Variants in COLEC12 observed in about 807,000 individuals in gnomAD.
COLEC12 encodes collectin subfamily member 12, also known as collectin-12.
A neutral mutation model predicts 71.1 loss-of-function variants in COLEC12; 33 were observed. The observed-to-expected ratio is 0.46, with a 90% CI of 0.35 to 0.62. The LOEUF (loss-of-function observed/expected upper bound fraction) is 0.62. Among genes scored for constraint, COLEC12 ranks in the 20% least tolerant of loss-of-function variants. COLEC12 has a pLI of 0.00. For missense variants in COLEC12, 765 were observed against 916.1 expected, an observed-to-expected ratio of 0.84 and a Z score of 2.13; for synonymous variants, 350 against 353.0, an observed-to-expected ratio of 0.99 and a Z score of 0.10.
At chr18:336,770 A>G (rs770893148) in intron 5 of COLEC12, among the ~76,000 whole-genome samples, 2 of 152,142 alleles carry the variant, frequency 1.3e-5, no homozygotes, top group Non-Finnish European at 2.9e-5. Flanking sequence ...GAAATGAATG[A>G]ATCTTAGAGT....
At chr18:377,746 T>G (rs4798111) in intron 2 of COLEC12, among the ~76,000 whole-genome samples, 29,709 of 152,092 alleles carry the variant, frequency 0.2, 3,182 homozygotes, top group East Asian at 0.29. Flanking sequence ...AGCCTGAGCT[T>G]GGAGCACTTG....
chr18:374,487 A>T (rs1332727955), intron 2 of COLEC12, among the ~76,000 whole-genome samples: 1 of 152,162 alleles, frequency 6.6e-6, no homozygotes, highest in Non-Finnish European at 1.5e-5. Context: ...AATCACCCAC[A>T]GGCATATGTT....
chr18:497,315 T>C (rs567808936), intron 1 of COLEC12, among the ~76,000 whole-genome samples: 1 of 152,240 alleles, frequency 6.6e-6, no homozygotes, highest in South Asian at 2.1e-4. Context: ...ACAGGAATAT[T>C]TGCTTTTGCA....
chr18:451,928 T>C (rs1007994958), intron 2 of COLEC12, among the ~76,000 whole-genome samples: 58 of 152,190 alleles, frequency 3.8e-4, no homozygotes, highest in Admixed American at 3.7e-3. Flanking sequence ...TTATTAATAA[T>C]ATCCAAAATA....
chr18:342,699 T>A (rs1914283011), intron 5 of COLEC12, among the ~76,000 whole-genome samples: 1 of 152,184 alleles, frequency 6.6e-6, no homozygotes, highest in South Asian at 2.1e-4. Context: ...TTAGAATACC[T>A]GCTGGGCATT....
chr18:318,052 C>T lies in COLEC12; in HGVS notation c.*1993G>A, dbSNP rs1419705698. On this transcript the variant is annotated 3_prime_UTR_variant, in exon 10 of 10. Transcript: ENST00000400256. ...AGTGCAGTGGCGCGATCTCGGCTCACTGCAAGCTCCGCTTCCTGGGTTCAC... is the reference window on the plus strand; with the variant it reads ...AGTGCAGTGGCGCGATCTCGGCTCATTGCAAGCTCCGCTTCCTGGGTTCAC... The T allele has an allele frequency of 6.7e-6, 1 of 149,340 alleles. No individual in the cohort carries two copies. Among genetic ancestry groups the T allele is most frequent in the African/African-American group, 2.4e-5 (1 of 40,994 alleles). 9.3% of individuals were successfully genotyped at this position (149,340 alleles called of 1,614,324 possible). A position where few individuals can be genotyped will look rare whatever the true frequency, so the allele number is the denominator to read the frequency against.
chr18:378,963 G>C (rs1179628759), intron 2 of COLEC12, among the ~76,000 whole-genome samples: 1 of 152,080 alleles, frequency 6.6e-6, no homozygotes, highest in East Asian at 1.9e-4. Flanking sequence ...CCATAATCCT[G>C]AATGGCCTTG....
At chr18:457,309 C>G (rs972059395) in intron 2 of COLEC12, among the ~76,000 whole-genome samples, 1 of 152,074 alleles carries the variant, frequency 6.6e-6, no homozygotes, top group East Asian at 1.9e-4. Context: ...ACTGCAGCGC[C>G]GAAGGAGATT....
At chr18:414,044 C>T (rs1178446004) in intron 2 of COLEC12, among the ~76,000 whole-genome samples, 2 of 152,128 alleles carry the variant, frequency 1.3e-5, no homozygotes, top group Non-Finnish European at 2.9e-5. Context: ...TTTGTGATAA[C>T]AGGCATTTTT....
chr18:373,879 T>C (rs1053563804), intron 2 of COLEC12, among the ~76,000 whole-genome samples: 1 of 152,206 alleles, frequency 6.6e-6, no homozygotes, highest in African/African-American at 2.4e-5. Context: ...TTCTATTCAC[T>C]GTACTCTGCT....
chr18:358,759 AT>A (rs1305066908), intron 2 of COLEC12, among the ~76,000 whole-genome samples: 5 of 152,168 alleles, frequency 3.3e-5, no homozygotes, highest in African/African-American at 1.2e-4. Flanking sequence ...GCTACATGGT[AT>A]GGCCTGTTGC....
At chr18:412,045 T>C (rs1915902378) in intron 2 of COLEC12, among the ~76,000 whole-genome samples, 1 of 151,992 alleles carries the variant, frequency 6.6e-6, no homozygotes, top group South Asian at 2.1e-4. Context: ...GATAGAAAAG[T>C]AATAGAAGAA....
intron 2 of COLEC12, among the ~76,000 whole-genome samples, chr18:433,387 C>G (rs566531869): frequency 3.9e-5 from 6 of 152,136 alleles, no homozygotes; most frequent in Non-Finnish European, 7.4e-5. Context: ...ACCCCCAAAC[C>G]AAGGATGCCT....
In COLEC12 at chr18:346,855, T is replaced by A. The variant is rs781505370; in HGVS notation, c.767A>T (p.Asp256Val). The change falls in exon 5 of 10, where the codon GAT becomes GTT. Residue 256 changes from aspartate (D) to valine (V), a missense_variant. Asp to Val is a radical substitution (Grantham distance 152, BLOSUM62 -3). Coordinates refer to ENST00000400256, the MANE Select transcript of COLEC12 (RefSeq NM_130386.3). The surrounding 1 kb of genome is among the most constrained non-coding windows in gnomAD (Gnocchi z 4.0). Reference protein sequence around the residue: ...QVFLQAKKDTDWLKEKVQSLQ... With the variant: ...QVFLQAKKDTVWLKEKVQSLQ... The stretch of plus-strand genomic sequence containing the variant: ...GCTCTGCACTTTCTCCTTCAGCCAA[T>A]CCGTGTCCTTCTTGGCTTGAAGAAA... The A allele has an allele frequency of 6.8e-6, 11 of 1,613,892 alleles. No homozygotes were observed. In the Admixed American group the frequency reaches 8.3e-5, roughly 12 times the overall value.
intron 2 of COLEC12, among the ~76,000 whole-genome samples, chr18:428,749 C>G (rs1017182364): frequency 6.6e-6 from 1 of 151,824 alleles, no homozygotes. Flanking sequence ...ATTAAGACAC[C>G]AAACTATTAC....
intron 2 of COLEC12, among the ~76,000 whole-genome samples, chr18:401,457 A>G (rs1048669817): frequency 1.3e-5 from 2 of 152,228 alleles, no homozygotes; most frequent in African/African-American, 4.8e-5. Flanking sequence ...GGATTTCAAA[A>G]GGCCAATTGC....
chr18:443,865 G>A (rs141304542), intron 2 of COLEC12, among the ~76,000 whole-genome samples: 1 of 152,224 alleles, frequency 6.6e-6, no homozygotes, highest in African/African-American at 2.4e-5. Flanking sequence ...TTGATAGTGA[G>A]TTCTCATGAG....
chr18:448,019 G>A (rs779184886), intron 2 of COLEC12, among the ~76,000 whole-genome samples: 1 of 152,096 alleles, frequency 6.6e-6, no homozygotes, highest in Non-Finnish European at 1.5e-5. Flanking sequence ...GTGAAAATAC[G>A]TATCCAAAAA....
chr18:480,875 G>A lies in COLEC12; in HGVS notation c.8-118C>T, dbSNP rs11664792. ...TGTCACAGCAGCTTTCCTTCTGCTC[G>A]TGGATCGCACCAGGCTTTCTGGAAG... On this transcript the variant is annotated intron_variant, in intron 1 of 9. Transcript: ENST00000400256. The surrounding 1 kb of genome is among the most constrained non-coding windows in gnomAD (Gnocchi z 4.1). 0.043 allele frequency: 38,460 copies of A among 899,664 alleles called. 1,120 individuals are homozygous for A. The highest frequency in any genetic ancestry group is 0.068 in the South Asian group (5,098 of 74,804). 55.7% of individuals were successfully genotyped at this position (899,664 alleles called of 1,614,324 possible). A position where few individuals can be genotyped will look rare whatever the true frequency, so the allele number is the denominator to read the frequency against.
Sources: allele counts gnomAD v4.1 joint callset (sites outside exome capture counted in the v4.1 genomes callset), GRCh38; gene constraint gnomAD v4.1.1; non-coding constraint Gnocchi (gnomAD v3.1); transcripts MANE v1.5; gene names NCBI Gene and HGNC (gene_info 2026-07-23, HGNC 2026-07-21).